HTR1F: variants seen among roughly 807,000 people sequenced by gnomAD.
HTR1F encodes the protein 5-hydroxytryptamine (serotonin) receptor 1F, G protein-coupled.
In HTR1F, 17 loss-of-function variants were observed where a neutral mutation model predicts 24.0. The observed-to-expected ratio is 0.71, with a 90% CI of 0.48 to 1.06. The LOEUF (loss-of-function observed/expected upper bound fraction) is 1.06. Ranked by LOEUF, HTR1F falls within the 50% of genes least tolerant of loss-of-function variation. The pLI, the probability that HTR1F is intolerant of heterozygous loss-of-function variation, is 0.00. For synonymous variants in HTR1F, 186 were observed against 156.8 expected, an observed-to-expected ratio of 1.19 and a Z score of -1.39; for missense variants, 391 against 427.8, an observed-to-expected ratio of 0.91 and a Z score of 0.76.
chr3:87,916,602 AAAC>A (rs1011606877), intron 2 of HTR1F, among the ~76,000 whole-genome samples: 16 of 152,276 alleles, frequency 1.1e-4, no homozygotes, highest in African/African-American at 3.6e-4. Context: ...ACAAATTTTA[AAAC>A]AACAATGGTT....
chr3:87,906,653 A>T (rs1036247367), intron 2 of HTR1F, among the ~76,000 whole-genome samples: 1 of 151,956 alleles, frequency 6.6e-6, no homozygotes, highest in Admixed American at 6.6e-5. Flanking sequence ...CAAGCAGGGT[A>T]CACTGTACCC....
chr3:87,856,052 C>G (rs1017033911), intron 2 of HTR1F, among the ~76,000 whole-genome samples: 4 of 151,982 alleles, frequency 2.6e-5, no homozygotes, highest in African/African-American at 7.2e-5. Context: ...AATTATATTT[C>G]AAGGTTGCTA....
At chr3:87,986,241 G>T (rs1348443416) in intron 2 of HTR1F, among the ~76,000 whole-genome samples, 2 of 152,006 alleles carry the variant, frequency 1.3e-5, no homozygotes, top group Non-Finnish European at 1.5e-5. Flanking sequence ...AAAGGTAGAT[G>T]GTTTATTACA....
chr3:87,807,364 A>AT (rs1340337430), intron 1 of HTR1F, among the ~76,000 whole-genome samples: 2 of 151,586 alleles, frequency 1.3e-5, no homozygotes, highest in East Asian at 1.9e-4. Context: ...ATTCCTAGGT[A>AT]TTTTTTATTT....
chr3:87,885,098 AC>A (rs1230481274), intron 2 of HTR1F, among the ~76,000 whole-genome samples: 1 of 152,080 alleles, frequency 6.6e-6, no homozygotes, highest in African/African-American at 2.4e-5. Context: ...GAAGTAAAAC[AC>A]TCCTCAGCAA....
chr3:87,928,383 A>T (rs2107397293), intron 2 of HTR1F, among the ~76,000 whole-genome samples: 1 of 152,286 alleles, frequency 6.6e-6, no homozygotes, highest in South Asian at 2.1e-4. Context: ...TCACAAATGA[A>T]ATTTGTGAAT....
intron 2 of HTR1F, among the ~76,000 whole-genome samples, chr3:87,978,892 G>GGTAC (rs1705459796): frequency 1.4e-5 from 1 of 74,030 alleles, no homozygotes; most frequent in Non-Finnish European, 2.9e-5. Context: ...GAGGGAGGGA[G>GGTAC]GAAGGAAGGA....
intron 2 of HTR1F, among the ~76,000 whole-genome samples, chr3:87,933,643 G>C (rs1331958257): frequency 2.0e-5 from 3 of 152,094 alleles, no homozygotes; most frequent in Non-Finnish European, 4.4e-5. Context: ...AATCCAACTT[G>C]CAAGGGACAT....
intron 2 of HTR1F, among the ~76,000 whole-genome samples, chr3:87,906,562 G>A (rs909024218): frequency 6.6e-6 from 1 of 150,728 alleles, no homozygotes. Context: ...TATTTCAATA[G>A]GCTTTTGGTA....
intron 1 of HTR1F, among the ~76,000 whole-genome samples, chr3:87,810,272 A>T (rs142376720): frequency 6.6e-6 from 1 of 152,278 alleles, no homozygotes; most frequent in Non-Finnish European, 1.5e-5. Flanking sequence ...AGGAAGTGGA[A>T]GGAACAAACA....
chr3:87,969,390 G>A (rs947053463), intron 2 of HTR1F, among the ~76,000 whole-genome samples: 1 of 152,224 alleles, frequency 6.6e-6, no homozygotes, highest in Non-Finnish European at 1.5e-5. Flanking sequence ...CCAAGACCAT[G>A]GGAACCCACC....
At chr3:87,977,073 C>T (rs1488175333) in intron 2 of HTR1F, among the ~76,000 whole-genome samples, 1 of 152,128 alleles carries the variant, frequency 6.6e-6, no homozygotes, top group Non-Finnish European at 1.5e-5. Context: ...GGTAATTGTA[C>T]ATTATTTCCT....
At chr3:87,964,798 T>C (rs1303010358) in intron 2 of HTR1F, among the ~76,000 whole-genome samples, 3 of 152,202 alleles carry the variant, frequency 2.0e-5, no homozygotes, top group Non-Finnish European at 4.4e-5. Flanking sequence ...TGATATGATA[T>C]GGCTGTATCC....
At chr3:87,940,955 C>T (rs984075605) in intron 2 of HTR1F, among the ~76,000 whole-genome samples, 1 of 152,206 alleles carries the variant, frequency 6.6e-6, no homozygotes, top group Non-Finnish European at 1.5e-5. Flanking sequence ...ACTGCCGCCA[C>T]TACCTGTAAA....
intron 2 of HTR1F, among the ~76,000 whole-genome samples, chr3:87,953,474 T>C (rs1400405268): frequency 6.7e-6 from 1 of 148,568 alleles, no homozygotes; most frequent in Non-Finnish European, 1.5e-5. Flanking sequence ...ATGAGGGAAA[T>C]GCAAGTCAAT....
intron 2 of HTR1F, among the ~76,000 whole-genome samples, chr3:87,954,948 A>G (rs1704912596): frequency 6.6e-6 from 1 of 151,234 alleles, no homozygotes; most frequent in South Asian, 2.1e-4. Flanking sequence ...AACTTGCTCT[A>G]CTTTATGCTA....
intron 2 of HTR1F, among the ~76,000 whole-genome samples, chr3:87,918,793 T>C (rs1211871797): frequency 1.3e-5 from 2 of 151,932 alleles, no homozygotes; most frequent in African/African-American, 4.8e-5. Flanking sequence ...AAAATGACCA[T>C]ATTGATAAAA....
At chr3:87,814,231 A>T (rs1704209799) in intron 1 of HTR1F, among the ~76,000 whole-genome samples, 1 of 152,172 alleles carries the variant, frequency 6.6e-6, no homozygotes, top group Non-Finnish European at 1.5e-5. Context: ...GATTTTAACA[A>T]AATTACCTAA....
chr3:87,961,078 C>T (rs1576092540), intron 2 of HTR1F, among the ~76,000 whole-genome samples: 1 of 151,990 alleles, frequency 6.6e-6, no homozygotes, highest in South Asian at 2.1e-4. Context: ...TACTGGGGTT[C>T]CCCTATGAGA....
Sources: gnomAD v4.1 joint callset for allele counts (sites outside exome capture counted in the v4.1 genomes callset) on GRCh38, gnomAD v4.1.1 for gene constraint, MANE v1.5 for transcripts, NCBI Gene and HGNC (gene_info 2026-07-23, HGNC 2026-07-21) for gene names.